FCHSD2: variants seen among roughly 807,000 people sequenced by gnomAD.
The protein encoded by FCHSD2 is FCH and double SH3 domains 2, also known as F-BAR and double SH3 domains protein 2.
Under a neutral mutation model 108.1 loss-of-function variants are expected in FCHSD2, and 38 were observed. That is an observed-to-expected ratio of 0.35 (90% CI 0.27 to 0.46). The LOEUF is 0.46. FCHSD2 is among the 20% of genes least tolerant of loss of function. The probability of loss-of-function intolerance (pLI) is 1.00; values close to 1 mark genes in which losing one functional copy is unlikely to be tolerated. For missense variants in FCHSD2, 751 were observed against 897.8 expected (o/e 0.84, Z 2.09); for synonymous variants, 279 against 314.7 (o/e 0.89, Z 1.20).
chr11:73,099,713 G>A (rs532164440), intron 2 of FCHSD2, among the ~76,000 whole-genome samples: 1 of 152,222 alleles, frequency 6.6e-6, no homozygotes, highest in East Asian at 1.9e-4. Context: ...TGCACCCTCG[G>A]TCTGGTTGGG....
intron 3 of FCHSD2, among the ~76,000 whole-genome samples, chr11:73,038,412 T>C (rs536424453): frequency 4.1e-4 from 62 of 152,080 alleles, no homozygotes; most frequent in African/African-American, 1.4e-3. Flanking sequence ...CCTTATAATT[T>C]ATCCAGTCGA....
At chr11:73,128,579 T>C (rs1860914533) in intron 2 of FCHSD2, among the ~76,000 whole-genome samples, 1 of 152,106 alleles carries the variant, frequency 6.6e-6, no homozygotes, top group South Asian at 2.1e-4. Context: ...GAAACAGAGA[T>C]GGGGGAAGGA....
intron 3 of FCHSD2, among the ~76,000 whole-genome samples, chr11:73,034,325 T>A (rs1858436458): frequency 1.3e-5 from 2 of 152,236 alleles, no homozygotes; most frequent in South Asian, 4.1e-4. Flanking sequence ...TGCTCACACC[T>A]ACTTCAAAAC....
rs1000366689 is a variant in FCHSD2, at chr11:73,083,795, A to G, written c.120-55T>C. 86 of 1,126,696 alleles carry G rather than the reference A, an allele frequency of 7.6e-5. No homozygotes were observed. In the Middle Eastern group the frequency reaches 2.3e-3, roughly 30 times the overall value. 69.8% of individuals were successfully genotyped at this position (1,126,696 alleles called of 1,614,324 possible). ...GAAGGATAACTTAATAATTTAATGT[A>G]AATCTATCAACACACCTTCAAATAC... On this transcript the variant is annotated intron_variant, in intron 2 of 19. Coordinates refer to ENST00000409418, the MANE Select transcript of FCHSD2 (RefSeq NM_014824.3).
intron 8 of FCHSD2, among the ~76,000 whole-genome samples, chr11:72,970,001 AT>A (rs1476440076): frequency 6.6e-6 from 1 of 152,196 alleles, no homozygotes; most frequent in Non-Finnish European, 1.5e-5. Context: ...TATCATCTTT[AT>A]TGTATTTTGT....
At chr11:72,947,906 G>C (rs1234541845) in intron 8 of FCHSD2, among the ~76,000 whole-genome samples, 1 of 152,122 alleles carries the variant, frequency 6.6e-6, no homozygotes, top group South Asian at 2.1e-4. Flanking sequence ...ATTTTAATCA[G>C]TTAATACAGT....
chr11:73,069,515 A>G (rs1565395432), intron 3 of FCHSD2, among the ~76,000 whole-genome samples: 1 of 152,102 alleles, frequency 6.6e-6, no homozygotes, highest in Non-Finnish European at 1.5e-5. Context: ...TCACTAACAA[A>G]GCAATGGATA....
At chr11:72,846,291 C>CT (rs530901674) in intron 14 of FCHSD2, among the ~76,000 whole-genome samples, 427 of 151,918 alleles carry the variant, frequency 2.8e-3, no homozygotes, top group Non-Finnish European at 4.7e-3. Flanking sequence ...AGAAATTCTC[C>CT]TGCCTCAGCC....
At chr11:73,050,294 C>A (rs1858868091) in intron 3 of FCHSD2, among the ~76,000 whole-genome samples, 1 of 152,174 alleles carries the variant, frequency 6.6e-6, no homozygotes. Context: ...ACCTTCACAC[C>A]ACTTCTAGCT....
At chr11:72,945,945 G>T (rs1856510692) in intron 8 of FCHSD2, among the ~76,000 whole-genome samples, 1 of 152,174 alleles carries the variant, frequency 6.6e-6, no homozygotes, top group Non-Finnish European at 1.5e-5. Flanking sequence ...TACACTGTTG[G>T]TGGGACTGTA....
intron 4 of FCHSD2, among the ~76,000 whole-genome samples, chr11:73,002,532 G>A (rs1857646824): frequency 6.6e-6 from 1 of 152,022 alleles, no homozygotes; most frequent in Admixed American, 6.6e-5. Flanking sequence ...AGAATGTACT[G>A]AGAGAAAAAT....
chr11:73,051,352 A>C (rs142236923), intron 3 of FCHSD2, among the ~76,000 whole-genome samples: 1 of 152,258 alleles, frequency 6.6e-6, no homozygotes, highest in East Asian at 1.9e-4. Flanking sequence ...ATCTGAGAAA[A>C]TGTAAGCATA....
intron 8 of FCHSD2, among the ~76,000 whole-genome samples, chr11:72,943,595 T>C (rs538758722): frequency 2.0e-5 from 3 of 152,302 alleles, no homozygotes; most frequent in South Asian, 2.1e-4. Flanking sequence ...GGCACAGAAA[T>C]GGAAGTGAGA....
At chr11:72,853,121 C>T (rs118077937) in intron 13 of FCHSD2, among the ~76,000 whole-genome samples, 10,588 of 152,214 alleles carry the variant, frequency 0.07, 506 homozygotes, top group South Asian at 0.15. Flanking sequence ...CAAACCTGCA[C>T]ATGTACTCTT....
chr11:72,843,144 T>C lies in FCHSD2; in HGVS notation c.1705+7A>G, dbSNP rs1431850614. 1 of 1,613,580 alleles carries C rather than the reference T, an allele frequency of 6.2e-7. No homozygotes were observed. Among genetic ancestry groups the C allele is most frequent in the African/African-American group, 1.3e-5 (1 of 74,920 alleles). On this transcript the variant is annotated splice_region_variant and intron_variant, in intron 16 of 19. Coordinates refer to ENST00000409418, the MANE Select transcript of FCHSD2 (RefSeq NM_014824.3). The stretch of plus-strand genomic sequence containing the variant: ...CCAAATAAAGAGTGCCTTGTTTCAG[T>C]CTTTACCACTGGCATCTCCGTTGAG...
At position 73,077,524 on chromosome 11, in the gene FCHSD2, A is replaced by C. The variant is rs952332544; in HGVS notation, c.165+6171T>G. The C allele has an allele frequency of 4.0e-5, 14 of 347,948 alleles. 1 individual carries two copies. The highest frequency in any genetic ancestry group is 2.1e-3 in the Middle Eastern group (2 of 970). The allele number at this position is 347,948 out of a possible 1,614,324, so 21.6% of individuals were successfully genotyped here. On this transcript the variant is annotated intron_variant, in intron 3 of 19. Transcript: ENST00000409418. ...AAGTTAAAAATGATTCAGCCATTCCATTCCACTTACCCAAGAGGAATGAAA... is the reference window on the plus strand; with the variant it reads ...AAGTTAAAAATGATTCAGCCATTCCCTTCCACTTACCCAAGAGGAATGAAA...
At chr11:73,081,410 G>C (rs1234061479) in intron 3 of FCHSD2, among the ~76,000 whole-genome samples, 1 of 152,012 alleles carries the variant, frequency 6.6e-6, no homozygotes, top group African/African-American at 2.4e-5. Flanking sequence ...CTCCAGCCTG[G>C]GTGACAGAGT....
rs533176736 is a variant in FCHSD2 at position 72,997,306 on chromosome 11, T to C, written c.387+3684A>G. 7.2e-5 allele frequency among the ~76,000 whole-genome samples: 11 copies of C among 152,228 alleles called. No homozygotes were observed. The South Asian group carries it at 2.3e-3, about 32-fold the overall frequency. ...TTTCAGTTAAAACTCTAGGAGTAAG[T>C]GAAACAGAATAGCCCTAAAAAGCCT... On this transcript the variant is annotated intron_variant, in intron 5 of 19. Transcript: ENST00000409418.
At chr11:73,039,297 CACTTGAGGT>C (rs66565959) in intron 3 of FCHSD2, among the ~76,000 whole-genome samples, 100 of 152,138 alleles carry the variant, frequency 6.6e-4, no homozygotes, top group Middle Eastern at 3.4e-3. Flanking sequence ...GTGGGCGGAT[CACTTGAGGT>C]CAGGAGTTGG....
Sources: gnomAD v4.1 joint callset for allele counts (sites outside exome capture counted in the v4.1 genomes callset) on GRCh38, gnomAD v4.1.1 for gene constraint, MANE v1.5 for transcripts, NCBI Gene and HGNC (gene_info 2026-07-23, HGNC 2026-07-21) for gene names.